Variants in VKORC1L1 observed in about 807,000 individuals in gnomAD.
VKORC1L1 encodes the protein vitamin K epoxide reductase complex subunit 1L1.
In VKORC1L1, 2 loss-of-function variants were observed where a neutral mutation model predicts 18.9. The observed-to-expected ratio is 0.11, with a 90% CI of 0.04 to 0.33. The LOEUF is 0.33. VKORC1L1 is among the 10% of genes least tolerant of loss of function. The pLI is 1.00. For synonymous variants in VKORC1L1, 96 were observed against 100.0 expected (o/e 0.96, Z 0.24); for missense variants, 123 against 224.1 (o/e 0.55, Z 2.88).
At position 65,956,063 on chromosome 7, in the gene VKORC1L1, A is replaced by C. The variant is rs144688830; in HGVS notation, c.*1763A>C. Reference sequence around the variant, plus strand: ...GAGCTTAAGTCAAGATTTCATCAAGACTTGTGTTTTCCCATGAATGTGAAT... The same window carrying C: ...GAGCTTAAGTCAAGATTTCATCAAGCCTTGTGTTTTCCCATGAATGTGAAT... On this transcript the variant is annotated 3_prime_UTR_variant, in exon 3 of 3. Coordinates refer to ENST00000360768, the MANE Select transcript of VKORC1L1 (RefSeq NM_173517.6). 5.2e-4 allele frequency: 79 copies of C among 152,346 alleles called. No individual in the cohort carries two copies. Among genetic ancestry groups the C allele is most frequent in the African/African-American group, 1.8e-3 (73 of 41,576 alleles). The allele number at this position is 152,346 out of a possible 1,614,324, so 9.4% of individuals were successfully genotyped here. A position where few individuals can be genotyped will look rare whatever the true frequency, so the allele number is the denominator to read the frequency against.
chr7:65,869,235 A>G (rs1398682372), upstream of VKORC1L1, among the ~76,000 whole-genome samples: 1 of 151,960 alleles, frequency 6.6e-6, no homozygotes, highest in African/African-American at 2.4e-5. Flanking sequence ...AATCTCTTCA[A>G]CCTGGCTGAT....
intron 1 of VKORC1L1, among the ~76,000 whole-genome samples, chr7:65,902,310 T>G (rs73142153): frequency 0.32 from 48,809 of 151,912 alleles, 8,869 homozygotes; most frequent in East Asian, 0.47. Flanking sequence ...GAAAGAGAAG[T>G]GGAAGGTGTA....
chr7:65,894,116 G>C (rs1562985963), intron 1 of VKORC1L1, among the ~76,000 whole-genome samples: 1 of 151,866 alleles, frequency 6.6e-6, no homozygotes, highest in African/African-American at 2.4e-5. Flanking sequence ...TAGCACGCCC[G>C]ACTAATTTTT....
In VKORC1L1 at chr7:65,951,617, CAAAG is replaced by C. The variant is rs1490690467; in HGVS notation, c.305-2453_305-2450del. On this transcript the variant is annotated intron_variant, in intron 2 of 2. Coordinates refer to ENST00000360768, the MANE Select transcript of VKORC1L1 (RefSeq NM_173517.6). ...ATATATACATATATAAAATGTTACA[CAAAG>C]AAAAATCTATCCCACCCCTTCCCTT... is the stretch of plus-strand genomic sequence containing the variant. Among the ~76,000 whole-genome samples, 8 of 151,630 alleles carry C rather than the reference CAAAG, an allele frequency of 5.3e-5. No homozygotes were observed. The East Asian group carries it at 1.2e-3, about 22-fold the overall frequency.
Position 65,954,132 on chromosome 7 carries a change from C to T in VKORC1L1, c.363C>T (p.Val121=), listed in dbSNP as rs1358239216. ...TCATGACGTCCTCCATCATGTCGGT[C>T]GTGGGGTCCCTGTACCTGGCCTACA... ...LILMTSSIMS[V]VGSLYLAYIL... The change falls in exon 3 of 3, where the codon GTC becomes GTT. Residue 121 remains valine (V), a synonymous_variant. Coordinates refer to ENST00000360768, the MANE Select transcript of VKORC1L1 (RefSeq NM_173517.6). 5.6e-6 allele frequency: 9 copies of T among 1,610,518 alleles called. No individual in the cohort carries two copies. The highest frequency in any genetic ancestry group is 4.0e-5 in the African/African-American group (3 of 75,002).
At chr7:65,899,678 G>C (rs1210001758) in intron 1 of VKORC1L1, among the ~76,000 whole-genome samples, 1 of 152,068 alleles carries the variant, frequency 6.6e-6, no homozygotes, top group Non-Finnish European at 1.5e-5. Context: ...AAAACAGCTG[G>C]AGTTACGAGA....
chr7:65,883,243 G>A (rs1429753894), intron 1 of VKORC1L1, among the ~76,000 whole-genome samples: 1 of 146,322 alleles, frequency 6.8e-6, no homozygotes, highest in Admixed American at 7.1e-5. Flanking sequence ...CCAGCTTCAA[G>A]CGATTTTCCT....
intron 1 of VKORC1L1, among the ~76,000 whole-genome samples, chr7:65,895,243 G>T (rs1204921422): frequency 6.6e-6 from 1 of 151,726 alleles, no homozygotes; most frequent in Admixed American, 6.6e-5. Flanking sequence ...AGTTAGATGG[G>T]ATATGAAAAC....
At chr7:65,873,728 G>T (rs1275867740) in intron 1 of VKORC1L1, among the ~76,000 whole-genome samples, 163 bp downstream of exon 1, 1 of 150,588 alleles carries the variant, frequency 6.6e-6, no homozygotes, top group African/African-American at 2.4e-5. Context: ...CGGCGGCGGG[G>T]CGCTCCTGCC....
intron 1 of VKORC1L1, among the ~76,000 whole-genome samples, chr7:65,920,316 G>T (rs1370896887): frequency 6.6e-6 from 1 of 151,992 alleles, no homozygotes; most frequent in Non-Finnish European, 1.5e-5. Context: ...TTTGTTTATT[G>T]TGTTCCCATC....
chr7:65,895,514 T>TACAC (rs1236686939), intron 1 of VKORC1L1, among the ~76,000 whole-genome samples: 2,709 of 77,342 alleles, frequency 0.035, 68 homozygotes, highest in Non-Finnish European at 0.052. Flanking sequence ...TATATATATA[T>TACAC]ATACACACAC....
chr7:65,888,659 A>ACTGC (rs1562983998), intron 1 of VKORC1L1, among the ~76,000 whole-genome samples: 1 of 152,098 alleles, frequency 6.6e-6, no homozygotes, highest in Non-Finnish European at 1.5e-5. Context: ...GGGAGTTGAC[A>ACTGC]ACCTTCTTAA....
At chr7:65,879,029 G>T (rs547031340) in intron 1 of VKORC1L1, among the ~76,000 whole-genome samples, 19 of 152,132 alleles carry the variant, frequency 1.2e-4, no homozygotes, top group South Asian at 1.0e-3. Flanking sequence ...CAGTTCTCCC[G>T]CTCAGTAGAC....
At chr7:65,915,023 G>T (rs767490909) in intron 1 of VKORC1L1, among the ~76,000 whole-genome samples, 7 of 151,422 alleles carry the variant, frequency 4.6e-5, no homozygotes, top group Non-Finnish European at 1.0e-4. Context: ...AAAAAAACCC[G>T]CAAATACTTA....
chr7:65,872,321 CTCTT>C (rs1008031518), upstream of VKORC1L1, among the ~76,000 whole-genome samples: 3 of 148,226 alleles, frequency 2.0e-5, no homozygotes, highest in South Asian at 2.2e-4. Flanking sequence ...TCGTAAATCT[CTCTT>C]TTTTTTTTTG....
intron 1 of VKORC1L1, among the ~76,000 whole-genome samples, chr7:65,921,271 T>G (rs1789670891): frequency 6.6e-6 from 1 of 152,244 alleles, no homozygotes; most frequent in South Asian, 2.1e-4. Context: ...AGCTAACGTC[T>G]TAGGATTCCT....
At chr7:65,944,486 G>A (rs1279350720) in intron 1 of VKORC1L1, among the ~76,000 whole-genome samples, 1 of 151,764 alleles carries the variant, frequency 6.6e-6, no homozygotes, top group Admixed American at 6.6e-5. Context: ...GGTTTTTTTT[G>A]TTTTTTTGTA....
At chr7:65,930,667 A>G (rs1789842862) in intron 1 of VKORC1L1, among the ~76,000 whole-genome samples, 1 of 152,072 alleles carries the variant, frequency 6.6e-6, no homozygotes, top group African/African-American at 2.4e-5. Context: ...CAATTGTGCC[A>G]TCTACAAATT....
At chr7:65,946,997 A>G (rs1406513026) in intron 1 of VKORC1L1, among the ~76,000 whole-genome samples, 1 of 151,714 alleles carries the variant, frequency 6.6e-6, no homozygotes, top group Non-Finnish European at 1.5e-5. Flanking sequence ...AAAAATATAT[A>G]TATATAGCTG....
Sources: gnomAD v4.1 joint callset for allele counts (sites outside exome capture counted in the v4.1 genomes callset) on GRCh38, gnomAD v4.1.1 for gene constraint, MANE v1.5 for transcripts, NCBI Gene and HGNC (gene_info 2026-07-23, HGNC 2026-07-21) for gene names.